The following TTN variants were observed in gnomAD, a reference collection of about 807,000 sequenced individuals.
TTN encodes connectin.
Under a neutral mutation model 3,223.0 loss-of-function variants are expected in TTN, and 1,525 were observed. The observed-to-expected ratio is 0.47, with a 90% CI of 0.45 to 0.49. The LOEUF is 0.49. TTN is among the 20% of genes least tolerant of loss of function. The pLI, the probability that TTN is intolerant of heterozygous loss-of-function variation, is 0.00. For missense variants in TTN, 40,786 were observed against 43,424.0 expected (o/e 0.94, Z 5.40); for synonymous variants, 14,094 against 15,161.0 (o/e 0.93, Z 5.17).
intron 42 of TTN, 94 bp from the exon 43 acceptor site, chr2:178,764,396 C>T: frequency 6.2e-7 from 1 of 1,610,550 alleles, no homozygotes; most frequent in Non-Finnish European, 8.5e-7. Flanking sequence ...TATTTCACTG[C>T]AGAGTGCTTT....
At chr2:178,751,487 G>A (rs2085488621) in intron 47 of TTN, 1 of 1,613,356 alleles carries the variant, frequency 6.2e-7, no homozygotes, top group African/African-American at 1.3e-5. Context: ...GGGAGAGCCA[G>A]TAAACCTCAG....
Position 178,799,598 on chromosome 2 carries a change from G to A in TTN, c.803C>T (p.Pro268Leu), listed in dbSNP as rs754694607. 9 of 1,614,150 alleles carry A rather than the reference G, an allele frequency of 5.6e-6. No individual in the cohort carries two copies. The South Asian group carries it at 8.8e-5, about 16-fold the overall frequency. ...PPKPKSRSPT[P>L]PSIAAKAQLA... Reference sequence around the variant, plus strand: ...CTGTGCTTTGGCAGCAATAGACGGTGGTGTTGGGGATCTTGACTTTGGCTT... The same window carrying A: ...CTGTGCTTTGGCAGCAATAGACGGTAGTGTTGGGGATCTTGACTTTGGCTT... The change falls in exon 6 of 363, where the codon CCA (proline) becomes CTA (leucine). Residue 268 changes from proline to leucine, a missense_variant. Coordinates refer to ENST00000589042, the MANE Select transcript of TTN (RefSeq NM_001267550.2).
chr2:178,529,203 C>T lies in TTN; in HGVS notation c.106548G>A (p.Glu35516=). ...KLTIKAIKDT[E]AQKVSTQKTS... is the part of the protein sequence containing the mutation. Reference sequence around the variant, plus strand: ...TCTTTTGTGTAGAGACTTTCTGTGCCTCAGTATCTTTTATAGCTAAAAAAG... The same window carrying T: ...TCTTTTGTGTAGAGACTTTCTGTGCTTCAGTATCTTTTATAGCTAAAAAAG... Residue 35516 remains glutamate, a synonymous_variant, in exon 360 of 363, where the codon GAG becomes GAA. Transcript: ENST00000589042. 2 of 1,488,808 alleles carry T rather than the reference C, an allele frequency of 1.3e-6. No homozygotes were observed. The highest frequency in any genetic ancestry group is 1.8e-6 in the Non-Finnish European group (2 of 1,123,280). The allele number at this position is 1,488,808 out of a possible 1,614,324, so 92.2% of individuals were successfully genotyped here.
rs763845436 is a variant in TTN at position 178,652,529 on chromosome 2, G to T, written c.39056C>A (p.Pro13019Gln). The T allele has an allele frequency of 2.5e-6, 4 of 1,613,278 alleles. No homozygotes were observed. In the Admixed American group the frequency reaches 5.0e-5, roughly 20 times the overall value. ...TTTCTTTTCAGGAACAACTTCTTTC[G>T]GAGCCTCTGGCACTTAAAAGATATT... ...EVPPVKVPEAPKEVVPEKKVP... is the reference protein window; with the variant it reads ...EVPPVKVPEAQKEVVPEKKVP... The change falls in exon 202 of 363, where the codon CCG becomes CAG. Residue 13019 changes from proline to glutamine, a missense_variant. By Grantham distance (76) the Pro-to-Gln change is moderately conservative. Coordinates refer to ENST00000589042, the MANE Select transcript of TTN (RefSeq NM_001267550.2).
At chr2:178,782,124 G>A in intron 20 of TTN, 88 bp downstream of exon 20, 2 of 1,468,986 alleles carry the variant, frequency 1.4e-6, no homozygotes, top group South Asian at 2.3e-5. Context: ...CCTATGCTCA[G>A]GGTCGGTGGG....
Position 178,649,826 on chromosome 2 carries a change from G to A in TTN, c.39886C>T (p.Pro13296Ser), listed in dbSNP as rs2062643531. ...VPVIKKPEAP[P>S]PKEPEMPKKV... ...ATTTTAACATGAGTACCTTTAGGAG[G>A]CGGTGCTTCTGGTTTTTTGATGACA... Residue 13296 changes from proline to serine, a missense_variant, in exon 211 of 363, where the codon CCT (proline) becomes TCT (serine). Physicochemically the swap from Pro to Ser is moderately conservative, Grantham distance 74. Coordinates refer to ENST00000589042, the MANE Select transcript of TTN (RefSeq NM_001267550.2). The A allele has an allele frequency of 1.2e-6, 2 of 1,612,536 alleles. No individual in the cohort carries two copies. The highest frequency in any genetic ancestry group is 1.3e-5 in the African/African-American group (1 of 74,894).
chr2:178,707,925 G>A (rs2076119167), intron 99 of TTN, 112 bp from the exon 100 acceptor site: 2 of 1,094,888 alleles, frequency 1.8e-6, no homozygotes, highest in South Asian at 3.4e-5. Flanking sequence ...CACTGTTGCT[G>A]TAGTAGGACA....
Position 178,561,865 on chromosome 2 carries a change from A to G in TTN, c.84267T>C (p.Asn28089=), listed in dbSNP as rs1275689048. ...PEYDGGCQIS[N]YIVEKKETTS... is the part of the protein sequence containing the mutation. Reference sequence around the variant, plus strand: ...TGGTTTCTTTCTTTTCAACAATGTAATTGCTAATTTGGCAGCCACCATCAT... The same window carrying G: ...TGGTTTCTTTCTTTTCAACAATGTAGTTGCTAATTTGGCAGCCACCATCAT... The change falls in exon 326 of 363, where the codon AAT becomes AAC. Residue 28089 remains asparagine (N), a synonymous_variant. Coordinates refer to ENST00000589042, the MANE Select transcript of TTN (RefSeq NM_001267550.2). 2 of 1,613,542 alleles carry G rather than the reference A, an allele frequency of 1.2e-6. No homozygotes were observed. The highest frequency in any genetic ancestry group is 3.3e-5 in the Admixed American group (2 of 59,970).
intron 35 of TTN, 40 bp downstream of exon 35, chr2:178,770,372 A>G (rs371490175): frequency 6.2e-7 from 1 of 1,614,046 alleles, no homozygotes; most frequent in African/African-American, 1.3e-5. Flanking sequence ...AATGGTAACC[A>G]TGGGCTGACT....
At chr2:178,696,772 A>G (rs1231227505) in intron 113 of TTN, among the ~76,000 whole-genome samples, 1 of 152,118 alleles carries the variant, frequency 6.6e-6, no homozygotes, top group Admixed American at 6.5e-5. Flanking sequence ...TTAATTAGGT[A>G]CTTTTAGATA....
In TTN at chr2:178,573,371, A is replaced by T; in HGVS notation, c.72761T>A (p.Ile24254Asn). 6.6e-7 allele frequency: 1 copy of T among 1,524,140 alleles called. No individual in the cohort carries two copies. The highest frequency in any genetic ancestry group is 1.8e-4 in the Middle Eastern group (1 of 5,622). The allele number at this position is 1,524,140 out of a possible 1,614,324, so 94.4% of individuals were successfully genotyped here. A position where few individuals can be genotyped will look rare whatever the true frequency, so the allele number is the denominator to read the frequency against. ...ACGCCGTTCCACAATATAATTGATG[A>T]TTTCACTTCCACCATCAGAATCAGG... ...GHPDSDGGSE[I>N]INYIVERRDK... Residue 24254 changes from isoleucine (I) to asparagine (N), a missense_variant, in exon 326 of 363, where the codon ATC becomes AAC. Transcript: ENST00000589042.
Position 178,604,872 on chromosome 2 carries a change from C to A in TTN, c.54217G>T (p.Ala18073Ser). 6.2e-7 allele frequency: 1 copy of A among 1,611,856 alleles called. No individual in the cohort carries two copies. Among genetic ancestry groups the A allele is most frequent in the Non-Finnish European group, 8.5e-7 (1 of 1,178,858 alleles). ...YDRPSPPRNL[A>S]VTDIKAESCY... ...GATTCAGCTTTAATGTCAGTAACAG[C>A]AAGATTTCTTGGTGGGGATGGGCGG... The change falls in exon 281 of 363, where the codon GCT (alanine) becomes TCT (serine). Residue 18073 changes from alanine to serine, a missense_variant. Ala to Ser is a moderately conservative substitution (Grantham distance 99, BLOSUM62 1). Transcript: ENST00000589042.
Position 178,568,186 on chromosome 2 carries a change from A to G in TTN, c.77946T>C (p.Ile25982=). 6.2e-7 allele frequency: 1 copy of G among 1,613,508 alleles called. No homozygotes were observed. The highest frequency in any genetic ancestry group is 8.5e-7 in the Non-Finnish European group (1 of 1,179,598). Residue 25982 remains isoleucine, a synonymous_variant, in exon 326 of 363, where the codon ATT becomes ATC. Transcript: ENST00000589042. ...GTTCTTTGTAGGGATATTGAGCTAC[A>G]ATTGGATCAGACTCTAAGGCAAAGC... ...GQSFALESDP[I]VAQYPYKEPG... is the part of the protein sequence containing the mutation.
In TTN at chr2:178,663,903, C is replaced by G. The variant is rs577672565; in HGVS notation, c.36365-1G>C. Reference sequence around the variant, plus strand: ...ATAACCTCTTTGGAAGCTTCTGGCACTTGAAAGATATTAGTGAAATTACAT... The same window carrying G: ...ATAACCTCTTTGGAAGCTTCTGGCAGTTGAAAGATATTAGTGAAATTACAT... On this transcript the variant is annotated splice_acceptor_variant, in intron 169 of 362. Transcript: ENST00000589042. LOFTEE classifies it high-confidence loss of function. 2 of 1,613,258 alleles carry G rather than the reference C, an allele frequency of 1.2e-6. No homozygotes were observed. Among genetic ancestry groups the G allele is most frequent in the African/African-American group, 1.3e-5 (1 of 74,952 alleles).
intron 1 of TTN, among the ~76,000 whole-genome samples, chr2:178,805,956 T>C (rs962285): frequency 0.026 from 4,014 of 152,322 alleles, 89 homozygotes; most frequent in East Asian, 0.12. Context: ...GATGCATAAA[T>C]ACCTAATTAT....
At chr2:178,783,658 G>A (rs764975028) in intron 17 of TTN, 62 bp downstream of exon 17, 87 of 1,349,992 alleles carry the variant, frequency 6.4e-5, no homozygotes, top group Middle Eastern at 1.8e-4. Flanking sequence ...CTTTGCAAAC[G>A]TGTATTAAAA....
rs557550837 is a variant in TTN, at chr2:178,541,530, A to T, written c.97547T>A (p.Met32516Lys). 2.5e-6 allele frequency: 4 copies of T among 1,612,948 alleles called. No homozygotes were observed. The South Asian group carries it at 4.4e-5, about 18-fold the overall frequency. ...CTCTGGTGGGTACCAAGTAAGTGTC[A>T]TGCCATCACGGGAAACATCAAATAT... ...LQIFDVSRDGMTLTWYPPEDD... is the reference protein window; with the variant it reads ...LQIFDVSRDGKTLTWYPPEDD... The change falls in exon 350 of 363, where the codon ATG becomes AAG. Residue 32516 changes from methionine (M) to lysine (K), a missense_variant. Met to Lys is a moderately conservative substitution (Grantham distance 95). Coordinates refer to ENST00000589042, the MANE Select transcript of TTN (RefSeq NM_001267550.2).
Position 178,532,272 on chromosome 2 carries a change from C to T in TTN, c.104343G>A (p.Gln34781=), listed in dbSNP as rs1251278883. 9 of 1,613,842 alleles carry T rather than the reference C, an allele frequency of 5.6e-6. No homozygotes were observed. Among genetic ancestry groups the T allele is most frequent in the Non-Finnish European group, 7.6e-6 (9 of 1,179,870 alleles). The part of the protein sequence containing the change: ...EELLRPVTTT[Q]HLSEYKSELD... The stretch of plus-strand genomic sequence containing the variant: ...GTTCGCTTTTGTATTCTGAGAGATG[C>T]TGGGTGGTCGTAACTGGGCGAAGCA... The change falls in exon 358 of 363, where the codon CAG becomes CAA. Residue 34781 remains glutamine, a synonymous_variant. Transcript: ENST00000589042.
At chr2:178,645,109 T>C (rs540395772) in intron 217 of TTN, 6 of 152,282 alleles carry the variant, frequency 3.9e-5, no homozygotes, top group African/African-American at 1.2e-4. Context: ...ATCTAGATAA[T>C]TTTAGATTGG....
Sources: gnomAD v4.1 joint callset for allele counts (sites outside exome capture counted in the v4.1 genomes callset) on GRCh38, gnomAD v4.1.1 for gene constraint, MANE v1.5 for transcripts, NCBI Gene and HGNC (gene_info 2026-07-23, HGNC 2026-07-21) for gene names.